The following NAV3 variants were observed in gnomAD, a reference collection of about 807,000 sequenced individuals.
NAV3 encodes the protein neuron navigator 3.
A neutral mutation model predicts 244.7 loss-of-function variants in NAV3; 87 were observed. The observed-to-expected ratio is 0.36, with a 90% confidence interval of 0.30 to 0.42. The LOEUF (loss-of-function observed/expected upper bound fraction) is 0.42. Ranked by LOEUF, NAV3 falls within the 20% of genes least tolerant of loss-of-function variation. The pLI is 1.00. For missense variants in NAV3, 2,663 were observed against 2,893.3 expected (o/e 0.92, Z 1.83); for synonymous variants, 1,126 against 1,042.2 (o/e 1.08, Z -1.55).
At chr12:77,610,918 A>T (rs897536715) in intron 2 of NAV3, among the ~76,000 whole-genome samples, 1 of 151,850 alleles carries the variant, frequency 6.6e-6, no homozygotes, top group African/African-American at 2.4e-5. Flanking sequence ...AAGAAAATAG[A>T]GTAAGAGAGA....
chr12:78,051,018 T>C lies in NAV3; in HGVS notation c.2387T>C (p.Met796Thr). Residue 796 changes from methionine to threonine, a missense_variant, in exon 11 of 40, where the codon ATG becomes ACG. By Grantham distance (81) the Met-to-Thr change is moderately conservative. This residue lies in a region of NAV3 where 1,521 missense variants were observed against 1,497.0 expected (regional missense o/e 1.02). Coordinates refer to ENST00000397909, the MANE Select transcript of NAV3 (RefSeq NM_001024383.2). ...GCTGCTGTCTCTAGGCTGGGAAACA[T>C]GTCACAGATTGACATGAGTGAGAAA... Reference protein sequence around the residue: ...RRAAVSRLGNMSQIDMSEKAS... With the variant: ...RRAAVSRLGNTSQIDMSEKAS... 6.2e-7 allele frequency: 1 copy of C among 1,614,132 alleles called. No homozygotes were observed. Among genetic ancestry groups the C allele is most frequent in the Non-Finnish European group, 8.5e-7 (1 of 1,180,024 alleles).
intron 2 of NAV3, among the ~76,000 whole-genome samples, chr12:77,727,703 C>T (rs752122308): frequency 4.6e-5 from 7 of 151,952 alleles, no homozygotes; most frequent in South Asian, 4.1e-4. Flanking sequence ...ATTAAATCAA[C>T]GAGTCTGTGA....
chr12:78,118,810 A>C (rs1955536484), intron 14 of NAV3, among the ~76,000 whole-genome samples: 1 of 152,156 alleles, frequency 6.6e-6, no homozygotes, highest in South Asian at 2.1e-4. Flanking sequence ...TACTTTTTTT[A>C]AAAAGACTCT....
At chr12:78,102,343 T>A (rs147378769) in intron 12 of NAV3, among the ~76,000 whole-genome samples, 63 of 152,346 alleles carry the variant, frequency 4.1e-4, no homozygotes, top group African/African-American at 1.5e-3. Context: ...TGACTCCATG[T>A]CTCACATCCA....
intron 2 of NAV3, among the ~76,000 whole-genome samples, chr12:77,657,280 C>T (rs1873163027): frequency 6.6e-6 from 1 of 152,126 alleles, no homozygotes; most frequent in African/African-American, 2.4e-5. Flanking sequence ...GGGATATCAC[C>T]ACCGATCCCA....
At chr12:77,587,412 G>A (rs959398068) in intron 2 of NAV3, among the ~76,000 whole-genome samples, 1 of 152,114 alleles carries the variant, frequency 6.6e-6, no homozygotes, top group African/African-American at 2.4e-5. Context: ...CCATTTATAT[G>A]ATAGTGCAAT....
intron 3 of NAV3, among the ~76,000 whole-genome samples, chr12:77,958,211 C>T (rs779350884): frequency 1.3e-5 from 2 of 152,086 alleles, no homozygotes; most frequent in Non-Finnish European, 2.9e-5. Context: ...AATAGACAAT[C>T]AGAAAAATTC....
chr12:78,172,597 G>A (rs117454561), intron 24 of NAV3, among the ~76,000 whole-genome samples: 2 of 151,586 alleles, frequency 1.3e-5, no homozygotes, highest in East Asian at 3.9e-4. Context: ...GGTTACATAG[G>A]GAAGATTATT....
In NAV3 at chr12:77,873,734, A is replaced by ATG. The variant is rs374693432; in HGVS notation, c.243+42040_243+42041dup. ...ACATGATTTGCTTATCTAAATACATATGTGTGTGTGTATATATATATATAT... is the reference window on the plus strand; with the variant it reads ...ACATGATTTGCTTATCTAAATACATATGTGTGTGTGTGTATATATATATATAT... On this transcript the variant is annotated intron_variant, in intron 1 of 39. Transcript: ENST00000397909. Among the ~76,000 whole-genome samples the ATG allele has an allele frequency of 1.6e-3, 133 of 85,268 alleles. 4 individuals carry two copies. The highest frequency in any genetic ancestry group is 9.0e-3 in the East Asian group (29 of 3,220). The allele number at this position is 85,268 out of a possible 152,430, so 55.9% of individuals were successfully genotyped here.
At chr12:77,999,811 C>A (rs943355834) in intron 7 of NAV3, among the ~76,000 whole-genome samples, 21 of 151,928 alleles carry the variant, frequency 1.4e-4, no homozygotes, top group African/African-American at 5.1e-4. Context: ...AAAATGCCCT[C>A]ATTTCCTAAC....
chr12:77,813,747 A>C (rs112050825), intron 2 of NAV3, among the ~76,000 whole-genome samples: 2,419 of 152,328 alleles, frequency 0.016, 60 homozygotes, highest in African/African-American at 0.056. Flanking sequence ...CACAGTCGGC[A>C]TTAGATTCCT....
intron 9 of NAV3, among the ~76,000 whole-genome samples, chr12:78,032,263 G>C (rs1316201072): frequency 6.6e-6 from 1 of 152,182 alleles, no homozygotes; most frequent in African/African-American, 2.4e-5. Flanking sequence ...AGATGTGTTA[G>C]AGGGATTTGC....
At position 77,820,921 on chromosome 12, in the gene NAV3, C is replaced by G. The variant is rs528285856; in HGVS notation, c.73-119398C>G. On this transcript the variant is annotated intron_variant, in intron 2 of 8. Transcript: ENST00000550042. ...CACAAAATAATAGAAGAGTCATAAT[C>G]AGATCTTATGTTTTCATTATCATAC... Among the ~76,000 whole-genome samples the G allele has an allele frequency of 5.3e-5, 8 of 152,172 alleles. 1 individual carries two copies. In the South Asian group the frequency reaches 1.7e-3, roughly 32 times the overall value.
At chr12:77,708,440 A>G (rs887253607) in intron 2 of NAV3, among the ~76,000 whole-genome samples, 3 of 152,196 alleles carry the variant, frequency 2.0e-5, no homozygotes, top group African/African-American at 7.2e-5. Context: ...TACCAGTACC[A>G]TGCTGTTTTG....
intron 2 of NAV3, among the ~76,000 whole-genome samples, chr12:77,681,576 G>A (rs543781724): frequency 3.3e-5 from 5 of 152,270 alleles, no homozygotes; most frequent in Non-Finnish European, 5.9e-5. Context: ...TTGAGAGAAA[G>A]GAACCACAAA....
chr12:78,084,879 G>A (rs773575110), intron 12 of NAV3, among the ~76,000 whole-genome samples: 17 of 151,952 alleles, frequency 1.1e-4, no homozygotes, highest in Non-Finnish European at 1.9e-4. Context: ...TGATTACTTA[G>A]TCTTCTGTGA....
At chr12:77,776,692 G>C (rs12311029) in intron 2 of NAV3, among the ~76,000 whole-genome samples, 5,520 of 152,212 alleles carry the variant, frequency 0.036, 336 homozygotes, top group African/African-American at 0.12. Flanking sequence ...AAACAAATTA[G>C]AGAGTTTTAC....
intron 24 of NAV3, among the ~76,000 whole-genome samples, chr12:78,172,523 A>G (rs570102146): frequency 5.9e-5 from 9 of 151,714 alleles, no homozygotes; most frequent in African/African-American, 2.2e-4. Flanking sequence ...CCAAACAGTT[A>G]TAAGTTCCAA....
At chr12:77,937,609 C>A (rs1009179678) in intron 1 of NAV3, among the ~76,000 whole-genome samples, 1 of 152,092 alleles carries the variant, frequency 6.6e-6, no homozygotes, top group African/African-American at 2.4e-5. Flanking sequence ...GAGAATATGA[C>A]AGCCTTAATC....
Sources: gnomAD v4.1 joint callset for allele counts (sites outside exome capture counted in the v4.1 genomes callset) on GRCh38, gnomAD v4.1.1 for gene constraint, gnomAD v4.1.1 regional missense constraint, MANE v1.5 for transcripts, NCBI Gene and HGNC (gene_info 2026-07-23, HGNC 2026-07-21) for gene names.